Variants in INPP5A observed in about 807,000 individuals in gnomAD.
The protein encoded by INPP5A is inositol polyphosphate-5-phosphatase A, also known as 43 kDa inositol polyphosphate 5-phophatase.
Under a neutral mutation model 65.2 loss-of-function variants are expected in INPP5A, and 14 were observed. The observed-to-expected ratio is 0.21, with a 90% CI of 0.14 to 0.34. INPP5A has a LOEUF of 0.34. Among genes scored for constraint, INPP5A ranks in the 10% least tolerant of loss-of-function variants. The probability of loss-of-function intolerance (pLI) is 1.00; values close to 1 mark genes in which losing one functional copy is unlikely to be tolerated. For synonymous variants in INPP5A, 207 were observed against 208.3 expected, an observed-to-expected ratio of 0.99 and a Z score of 0.05; for missense variants, 431 against 545.6, an observed-to-expected ratio of 0.79 and a Z score of 2.09.
intron 1 of INPP5A, among the ~76,000 whole-genome samples, chr10:132,570,632 C>T (rs2071329181): frequency 6.6e-6 from 1 of 152,046 alleles, no homozygotes. Flanking sequence ...TTGAATATTT[C>T]GTTTTCAGCT....
chr10:132,580,431 C>T (rs561885478), intron 1 of INPP5A, among the ~76,000 whole-genome samples: 1 of 152,308 alleles, frequency 6.6e-6, no homozygotes, highest in Non-Finnish European at 1.5e-5. Flanking sequence ...TGTAAGTTTT[C>T]TGAGGCCTCC....
intron 5 of INPP5A, among the ~76,000 whole-genome samples, chr10:132,691,936 C>T (rs1845273833): frequency 6.6e-6 from 1 of 151,928 alleles, no homozygotes; most frequent in African/African-American, 2.4e-5. Context: ...TGTGCGGTCG[C>T]GGGAGGCGTG....
chr10:132,672,497 G>C (rs2072903703), intron 4 of INPP5A, among the ~76,000 whole-genome samples: 1 of 152,132 alleles, frequency 6.6e-6, no homozygotes, highest in Non-Finnish European at 1.5e-5. Context: ...TTTACAAAGA[G>C]GAGTTTCCCT....
At chr10:132,718,769 G>T (rs1845797335) in intron 8 of INPP5A, among the ~76,000 whole-genome samples, 1 of 149,402 alleles carries the variant, frequency 6.7e-6, no homozygotes, top group African/African-American at 2.5e-5. Flanking sequence ...CTGTCTTCAG[G>T]GTTCTGTGGT....
At chr10:132,643,913 G>A (rs1033764808) in intron 2 of INPP5A, among the ~76,000 whole-genome samples, 6 of 152,008 alleles carry the variant, frequency 3.9e-5, no homozygotes, top group African/African-American at 9.7e-5. Flanking sequence ...GTCCTAGGGC[G>A]TGTAGACACA....
At chr10:132,754,898 T>C (rs1177624846) in intron 11 of INPP5A, among the ~76,000 whole-genome samples, 1 of 152,218 alleles carries the variant, frequency 6.6e-6, no homozygotes, top group African/African-American at 2.4e-5. Context: ...AGCAGGCATA[T>C]GCATGTGAGC....
chr10:132,662,255 G>A (rs2133418367), intron 4 of INPP5A, among the ~76,000 whole-genome samples: 1 of 152,158 alleles, frequency 6.6e-6, no homozygotes, highest in African/African-American at 2.4e-5. Context: ...AAAAAACGTT[G>A]AAAATACACA....
intron 2 of INPP5A, among the ~76,000 whole-genome samples, chr10:132,608,975 T>C (rs536530399): frequency 8.5e-5 from 13 of 152,298 alleles, no homozygotes; most frequent in African/African-American, 2.9e-4. Context: ...CTCGGGCCTG[T>C]GTCCTGCCTG....
chr10:132,702,978 C>T (rs928352699), intron 6 of INPP5A, among the ~76,000 whole-genome samples: 7 of 152,104 alleles, frequency 4.6e-5, no homozygotes, highest in South Asian at 2.1e-4. Flanking sequence ...GGCGCCCTGC[C>T]GGTGCTGGTT....
intron 9 of INPP5A, among the ~76,000 whole-genome samples, chr10:132,739,808 C>G (rs184867108): frequency 3.7e-4 from 56 of 152,366 alleles, no homozygotes; most frequent in Admixed American, 1.4e-3. Flanking sequence ...TGCCCCCTGC[C>G]AGGACCCAGG....
chr10:132,569,199 T>C (rs182043219), intron 1 of INPP5A, among the ~76,000 whole-genome samples: 1 of 152,320 alleles, frequency 6.6e-6, no homozygotes, highest in African/African-American at 2.4e-5. Flanking sequence ...GCAGAGAGTG[T>C]TAAGTTCTTA....
At chr10:132,667,343 C>T (rs900306130) in intron 4 of INPP5A, among the ~76,000 whole-genome samples, 18 of 152,192 alleles carry the variant, frequency 1.2e-4, no homozygotes, top group African/African-American at 3.9e-4. Context: ...TGTTGAAGCT[C>T]GTTCTGGAGT....
At chr10:132,709,022 C>T (rs1371300598) in intron 7 of INPP5A, among the ~76,000 whole-genome samples, 3 of 151,880 alleles carry the variant, frequency 2.0e-5, no homozygotes, top group Non-Finnish European at 4.4e-5. Context: ...ATGTAACAGA[C>T]CGCCCTAAAC....
intron 2 of INPP5A, among the ~76,000 whole-genome samples, chr10:132,621,124 C>T (rs752381877): frequency 1.3e-5 from 2 of 152,194 alleles, no homozygotes; most frequent in Non-Finnish European, 2.9e-5. Flanking sequence ...GCATTCTCAG[C>T]CTGTAAAGGG....
chr10:132,624,524 G>A (rs889061075), intron 2 of INPP5A, among the ~76,000 whole-genome samples: 1 of 151,190 alleles, frequency 6.6e-6, no homozygotes, highest in African/African-American at 2.4e-5. Flanking sequence ...TTCCACCGGC[G>A]TGTCTGCACT....
At position 132,606,172 on chromosome 10, in the gene INPP5A, G is replaced by T. The variant is rs559563004; in HGVS notation, c.76-1743G>T. On this transcript the variant is annotated intron_variant, in intron 1 of 15. Transcript: ENST00000368594. ...AGCTGGATGTGGGGCTGGGACCCTC[G>T]ATGGGGACTTGCTGGTAGGAGCTGG... 4.7e-4 allele frequency among the ~76,000 whole-genome samples: 71 copies of T among 152,248 alleles called. No homozygotes were observed. In the South Asian group the frequency reaches 0.011, roughly 23 times the overall value.
chr10:132,710,586 G>A, intron 8 of INPP5A, 130 bp downstream of exon 8: 2 of 1,279,538 alleles, frequency 1.6e-6, no homozygotes, highest in South Asian at 1.4e-5. Context: ...GGACAGGTAG[G>A]TGGGGTGGAC....
At chr10:132,736,470 G>C (rs968517875) in intron 9 of INPP5A, among the ~76,000 whole-genome samples, 9 of 152,276 alleles carry the variant, frequency 5.9e-5, no homozygotes, top group African/African-American at 2.2e-4. Context: ...TGGCCGTTGG[G>C]GGCGTTGACA....
chr10:132,717,441 G>T (rs903916243), intron 8 of INPP5A, among the ~76,000 whole-genome samples: 1 of 151,532 alleles, frequency 6.6e-6, no homozygotes, highest in South Asian at 2.1e-4. Context: ...CAGGCACTTT[G>T]GGGGCTCTGC....
Sources: gnomAD v4.1 joint callset for allele counts (sites outside exome capture counted in the v4.1 genomes callset) on GRCh38, gnomAD v4.1.1 for gene constraint, MANE v1.5 for transcripts, NCBI Gene and HGNC (gene_info 2026-07-23, HGNC 2026-07-21) for gene names.